Variants in ERBB4 observed in about 807,000 individuals in gnomAD.
ERBB4 encodes erb-b2 receptor tyrosine kinase 4.
Under a neutral mutation model 158.0 loss-of-function variants are expected in ERBB4, and 42 were observed. The ratio of observed to expected loss-of-function variants is 0.27; its 90% confidence interval spans 0.21 to 0.34. ERBB4 has a LOEUF of 0.34. ERBB4 is among the 10% of genes least tolerant of loss of function. ERBB4 has a pLI of 1.00. For synonymous variants in ERBB4, 583 were observed against 558.7 expected (o/e 1.04, Z -0.61); for missense variants, 1,333 against 1,624.1 (o/e 0.82, Z 3.08).
chr2:211,447,530 A>G (rs114453269), intron 20 of ERBB4, among the ~76,000 whole-genome samples: 1,838 of 152,284 alleles, frequency 0.012, 32 homozygotes, highest in African/African-American at 0.041. Flanking sequence ...AAAATAATGT[A>G]AAGTCTGTTA....
chr2:211,802,233 T>G (rs1287673222), intron 3 of ERBB4, among the ~76,000 whole-genome samples: 2 of 149,990 alleles, frequency 1.3e-5, no homozygotes, highest in Admixed American at 6.7e-5. Context: ...CAGTACGGCC[T>G]GGGCGAAAGA....
chr2:211,442,975 A>T (rs937989514), intron 20 of ERBB4, among the ~76,000 whole-genome samples: 1 of 151,996 alleles, frequency 6.6e-6, no homozygotes, highest in Non-Finnish European at 1.5e-5. Flanking sequence ...GACATAACTC[A>T]GTTTGACCCT....
At chr2:211,924,244 C>T (rs1173266673) in intron 3 of ERBB4, among the ~76,000 whole-genome samples, 3 of 152,116 alleles carry the variant, frequency 2.0e-5, no homozygotes, top group East Asian at 3.9e-4. Flanking sequence ...ACTTTTGCAA[C>T]CTAGTAGTTT....
chr2:212,236,151 G>C (rs937653539), intron 1 of ERBB4, among the ~76,000 whole-genome samples: 1 of 152,154 alleles, frequency 6.6e-6, no homozygotes, highest in Admixed American at 6.5e-5. Context: ...ATCAATACTA[G>C]TTTATTGAGA....
At chr2:211,737,524 C>T (rs2074641921) in intron 5 of ERBB4, among the ~76,000 whole-genome samples, 2 of 152,136 alleles carry the variant, frequency 1.3e-5, no homozygotes, top group Non-Finnish European at 1.5e-5. Context: ...AGGAAGTTCT[C>T]TGGAGATGAC....
At chr2:211,537,988 T>C (rs1344766596) in intron 20 of ERBB4, among the ~76,000 whole-genome samples, 1 of 151,868 alleles carries the variant, frequency 6.6e-6, no homozygotes, top group African/African-American at 2.4e-5. Flanking sequence ...GTTTCAGAAA[T>C]GGAAATGACA....
intron 1 of ERBB4, among the ~76,000 whole-genome samples, chr2:212,510,361 A>G (rs1339595004): frequency 6.6e-6 from 1 of 151,674 alleles, no homozygotes; most frequent in Admixed American, 6.6e-5. Context: ...ACCTGGTTTG[A>G]CAAGGTGCAG....
chr2:212,354,402 G>A (rs1282596091), intron 1 of ERBB4, among the ~76,000 whole-genome samples: 1 of 152,090 alleles, frequency 6.6e-6, no homozygotes, highest in Non-Finnish European at 1.5e-5. Flanking sequence ...TGCCACATGA[G>A]AGAAGGGTAG....
chr2:212,294,621 A>G (rs1005830021), intron 1 of ERBB4, among the ~76,000 whole-genome samples: 2 of 152,056 alleles, frequency 1.3e-5, no homozygotes, highest in African/African-American at 4.8e-5. Flanking sequence ...AATCTGTTCT[A>G]TCAAAACTAT....
chr2:212,354,599 G>A (rs180746594), intron 1 of ERBB4, among the ~76,000 whole-genome samples: 39 of 152,230 alleles, frequency 2.6e-4, no homozygotes, highest in Non-Finnish European at 4.6e-4. Context: ...TTCAAAAGAA[G>A]CAATGCTTTT....
intron 3 of ERBB4, among the ~76,000 whole-genome samples, chr2:211,915,438 C>T (rs188666806): frequency 0.1 from 15,362 of 146,936 alleles, 908 homozygotes; most frequent in African/African-American, 0.12. Context: ...TCAAACATTA[C>T]ATATATATAT....
intron 20 of ERBB4, among the ~76,000 whole-genome samples, chr2:211,544,587 G>C (rs986673354): frequency 6.6e-6 from 1 of 151,910 alleles, no homozygotes; most frequent in Non-Finnish European, 1.5e-5. Context: ...AAATGAGAAG[G>C]AAGTAAACAA....
intron 12 of ERBB4, among the ~76,000 whole-genome samples, chr2:211,696,756 G>A (rs2073038322): frequency 6.6e-6 from 1 of 151,854 alleles, no homozygotes; most frequent in Non-Finnish European, 1.5e-5. Context: ...TGCAACCTCT[G>A]CCTCCTGGGT....
At chr2:212,423,863 A>T (rs1224698827) in intron 1 of ERBB4, among the ~76,000 whole-genome samples, 3 of 152,182 alleles carry the variant, frequency 2.0e-5, no homozygotes, top group Admixed American at 6.6e-5. Context: ...TGAATTACTG[A>T]ACCAATGCTA....
intron 19 of ERBB4, among the ~76,000 whole-genome samples, chr2:211,585,614 G>A (rs1175269265): frequency 4.0e-5 from 6 of 151,896 alleles, no homozygotes; most frequent in Non-Finnish European, 7.4e-5. Flanking sequence ...CAAGTATTCA[G>A]TATATTTTAC....
chr2:211,760,809 T>A (rs2075390617), intron 4 of ERBB4, among the ~76,000 whole-genome samples: 1 of 152,252 alleles, frequency 6.6e-6, no homozygotes, highest in Admixed American at 6.5e-5. Context: ...TACTGAGCAC[T>A]CTTTACTCTC....
chr2:212,266,647 A>G (rs17418292), intron 1 of ERBB4, among the ~76,000 whole-genome samples: 23,541 of 151,896 alleles, frequency 0.15, 2,171 homozygotes, highest in Non-Finnish European at 0.2. Context: ...AAAGCCTCAT[A>G]TTTCACCTGA....
chr2:212,255,048 A>G lies in ERBB4; in HGVS notation c.83-130145T>C, dbSNP rs187452078. On this transcript the variant is annotated intron_variant, in intron 1 of 27. Coordinates refer to ENST00000342788, the MANE Select transcript of ERBB4 (RefSeq NM_005235.3). ...TTTATACACATGTGCAAACACATCT[A>G]CTTATGCATCTATCCATATTATTTA... Among the ~76,000 whole-genome samples the G allele has an allele frequency of 2.1e-4, 32 of 152,266 alleles. 1 individual carries two copies. The highest frequency in any genetic ancestry group is 1.3e-3 in the Admixed American group (20 of 15,278).
At chr2:211,497,800 C>A (rs2065508947) in intron 20 of ERBB4, among the ~76,000 whole-genome samples, 1 of 152,092 alleles carries the variant, frequency 6.6e-6, no homozygotes, top group African/African-American at 2.4e-5. Flanking sequence ...ATATACCTTG[C>A]TACCCACACT....
Sources: allele counts gnomAD v4.1 joint callset (sites outside exome capture counted in the v4.1 genomes callset), GRCh38; gene constraint gnomAD v4.1.1; transcripts MANE v1.5; gene names NCBI Gene and HGNC (gene_info 2026-07-23, HGNC 2026-07-21).